The following ANK2 variants were observed in gnomAD, a reference collection of about 807,000 sequenced individuals.
ANK2 encodes ankyrin 2.
Under a neutral mutation model 360.5 loss-of-function variants are expected in ANK2, and 83 were observed. The ratio of observed to expected loss-of-function variants is 0.23; its 90% CI spans 0.19 to 0.28. The LOEUF (loss-of-function observed/expected upper bound fraction) is 0.28, where lower values mean the gene tolerates loss of function less well. ANK2 is among the 10% of genes least tolerant of loss of function. The pLI is 1.00. For missense variants in ANK2, 4,201 were observed against 4,795.7 expected (o/e 0.88, Z 3.66); for synonymous variants, 1,740 against 1,759.5 (o/e 0.99, Z 0.28).
At chr4:112,891,735 C>T (rs1005348799) in intron 1 of ANK2, among the ~76,000 whole-genome samples, 2 of 152,098 alleles carry the variant, frequency 1.3e-5, no homozygotes, top group Non-Finnish European at 2.9e-5. Flanking sequence ...ACATGCATAG[C>T]ATTAGGAAAG....
At chr4:112,903,155 C>G (rs1056764106) in intron 1 of ANK2, among the ~76,000 whole-genome samples, 1 of 152,170 alleles carries the variant, frequency 6.6e-6, no homozygotes, top group African/African-American at 2.4e-5. Context: ...GTATTGGGCC[C>G]CACTTCCAGT....
At position 113,273,781 on chromosome 4, in the gene ANK2, C is replaced by G. The variant is rs541314812; in HGVS notation, c.1486-671C>G. ...ACATGTCCTTCCTGTCCCTTAGACC[C>G]AGCTATATCCTCTGTTTTTAATGGA... On this transcript the variant is annotated intron_variant, in intron 14 of 45. Coordinates refer to ENST00000357077, the MANE Select transcript of ANK2 (RefSeq NM_001148.6). Among the ~76,000 whole-genome samples, 8 of 152,312 alleles carry G rather than the reference C, an allele frequency of 5.3e-5. No individual in the cohort carries two copies. In the East Asian group the frequency reaches 1.5e-3, roughly 29 times the overall value.
chr4:112,727,200 A>G, the ANK2 span, among the ~76,000 whole-genome samples: 1 of 152,134 alleles, frequency 6.6e-6, no homozygotes, highest in Non-Finnish European at 1.5e-5. Context: ...TTTAGCCAGC[A>G]GAGATCAGGT....
chr4:112,848,596 A>G (rs1231634163), intron 1 of ANK2, among the ~76,000 whole-genome samples: 1 of 152,218 alleles, frequency 6.6e-6, no homozygotes, highest in Non-Finnish European at 1.5e-5. Context: ...AAGAAAAAAT[A>G]GTTTTCTCCA....
intron 1 of ANK2, among the ~76,000 whole-genome samples, chr4:113,126,003 T>C (rs1218741404): frequency 6.6e-6 from 1 of 152,222 alleles, no homozygotes; most frequent in Non-Finnish European, 1.5e-5. Flanking sequence ...TAAGACTGGG[T>C]ATATACAAAA....
chr4:113,127,687 A>C (rs1005651430), intron 1 of ANK2, among the ~76,000 whole-genome samples: 98 of 152,100 alleles, frequency 6.4e-4, no homozygotes, highest in African/African-American at 2.3e-3. Context: ...AGGGGTTGGA[A>C]ATAAAGTTGG....
At chr4:112,990,738 C>T (rs762797366) in intron 2 of ANK2, among the ~76,000 whole-genome samples, 9 of 152,106 alleles carry the variant, frequency 5.9e-5, no homozygotes, top group Non-Finnish European at 1.0e-4. Flanking sequence ...CTCAGAGCAC[C>T]AGGATTCTCC....
At chr4:113,286,531 G>A (rs1328330707) in intron 18 of ANK2, among the ~76,000 whole-genome samples, 1 of 152,160 alleles carries the variant, frequency 6.6e-6, no homozygotes, top group Non-Finnish European at 1.5e-5. Flanking sequence ...CATGAATTTT[G>A]AAGAACATGG....
At position 113,133,473 on chromosome 4, in the gene ANK2, A is replaced by G. The variant is rs139159104; in HGVS notation, c.85-40943A>G. ...GAAAAAGATTTTCCCCTCAAATTTCATGGCAAATAAATACCTTAAGTGACA... is the reference window on the plus strand; with the variant it reads ...GAAAAAGATTTTCCCCTCAAATTTCGTGGCAAATAAATACCTTAAGTGACA... On this transcript the variant is annotated intron_variant, in intron 1 of 45. Transcript: ENST00000357077. Among the ~76,000 whole-genome samples the G allele has an allele frequency of 3.3e-4, 50 of 152,296 alleles. No individual in the cohort carries two copies. In the East Asian group the frequency reaches 5.2e-3, roughly 16 times the overall value.
At chr4:113,125,103 TATTA>T (rs2095585266) in intron 1 of ANK2, among the ~76,000 whole-genome samples, 1 of 152,232 alleles carries the variant, frequency 6.6e-6, no homozygotes, top group Admixed American at 6.5e-5. Context: ...CATAGAGACT[TATTA>T]ATTACCAATT....
intron 43 of ANK2, chr4:113,372,472 A>C: frequency 9.5e-7 from 1 of 1,053,780 alleles, no homozygotes; most frequent in Non-Finnish European, 1.4e-6. Context: ...TAAAGAAGAA[A>C]CCAGTAGTGA....
At chr4:112,944,246 A>G (rs2094418750) in intron 2 of ANK2, among the ~76,000 whole-genome samples, 1 of 152,110 alleles carries the variant, frequency 6.6e-6, no homozygotes, top group Non-Finnish European at 1.5e-5. Context: ...GCTTTGTACC[A>G]TTCTCTTGTC....
At chr4:113,359,572 G>A (rs543145627) in intron 38 of ANK2, among the ~76,000 whole-genome samples, 2 of 152,248 alleles carry the variant, frequency 1.3e-5, no homozygotes, top group East Asian at 1.9e-4. Flanking sequence ...GCCTCTGCAC[G>A]TAATAAGGCC....
intron 1 of ANK2, among the ~76,000 whole-genome samples, chr4:113,084,390 C>A (rs313968): frequency 0.59 from 88,983 of 152,006 alleles, 26,901 homozygotes; most frequent in African/African-American, 0.74. Context: ...TATTCAAGCA[C>A]CAACTGAAAA....
rs141841376 is a variant in ANK2, at chr4:112,861,839, C to CAGAGAGAGAGAGAGAGAGAGAGAGAGAG, written c.-39-42614_-39-42587dup. On this transcript the variant is annotated intron_variant, in intron 1 of 30. Coordinates refer to the ANK2 transcript ENST00000503271. Reference sequence around the variant, plus strand: ...CAACAAAAATGTGGCTACATAGAGACAGAGAGAGAGAGAGAGAGAGAGAGA... The same window carrying CAGAGAGAGAGAGAGAGAGAGAGAGAGAG: ...CAACAAAAATGTGGCTACATAGAGACAGAGAGAGAGAGAGAGAGAGAGAGAGAGAGAGAGAGAGAGAGAGAGAGAGAGA... Among the ~76,000 whole-genome samples the CAGAGAGAGAGAGAGAGAGAGAGAGAGAG allele has an allele frequency of 2.3e-4, 32 of 140,498 alleles. 1 individual carries two copies. The highest frequency in any genetic ancestry group is 1.3e-3 in the East Asian group (6 of 4,760). The allele number at this position is 140,498 out of a possible 152,430, so 92.2% of individuals were successfully genotyped here.
At chr4:113,099,677 C>T (rs547930821) in intron 1 of ANK2, among the ~76,000 whole-genome samples, 2 of 151,660 alleles carry the variant, frequency 1.3e-5, no homozygotes, top group Admixed American at 1.3e-4. Flanking sequence ...ATAATAAACA[C>T]AATATGGAAG....
In ANK2 at chr4:113,282,779, A is replaced by G. The variant is rs765012746; in HGVS notation, c.1986A>G (p.Gly662=). ...AGACAAACATTGTGACAAAGCAAGG[A>G]GTAACTCCACTCCATCTGGCCTCGC... ...GAETNIVTKQ[G]VTPLHLASQE... Residue 662 remains glycine, a synonymous_variant, in exon 18 of 46, where the codon GGA becomes GGG. Coordinates refer to ENST00000357077, the MANE Select transcript of ANK2 (RefSeq NM_001148.6). 3.7e-6 allele frequency: 6 copies of G among 1,613,902 alleles called. No individual in the cohort carries two copies. The highest frequency in any genetic ancestry group is 5.1e-6 in the Non-Finnish European group (6 of 1,179,972).
chr4:113,315,711 A>C (rs2082429675), intron 24 of ANK2, among the ~76,000 whole-genome samples: 1 of 152,062 alleles, frequency 6.6e-6, no homozygotes, highest in Non-Finnish European at 1.5e-5. Flanking sequence ...ATCCTGGCTA[A>C]CACGGTGAAA....
chr4:113,054,934 C>T (rs1323681892), intron 1 of ANK2, among the ~76,000 whole-genome samples: 1 of 152,124 alleles, frequency 6.6e-6, no homozygotes, highest in African/African-American at 2.4e-5. Context: ...CTTTTTAGAG[C>T]AGCATATTTC....
Sources: allele counts gnomAD v4.1 joint callset (sites outside exome capture counted in the v4.1 genomes callset), GRCh38; gene constraint gnomAD v4.1.1; transcripts MANE v1.5; gene names NCBI Gene and HGNC (gene_info 2026-07-23, HGNC 2026-07-21).